SEMA3C: variants seen among roughly 807,000 people sequenced by gnomAD.
The protein encoded by SEMA3C is semaphorin 3C, also known as semaphorin-3C.
A neutral mutation model predicts 89.4 loss-of-function variants in SEMA3C; 47 were observed. The ratio of observed to expected loss-of-function variants is 0.53; its 90% CI spans 0.42 to 0.67. SEMA3C has a LOEUF of 0.67. SEMA3C is among the 30% of genes least tolerant of loss of function. The pLI is 0.00. For synonymous variants in SEMA3C, 310 were observed against 320.2 expected (o/e 0.97, Z 0.34); for missense variants, 839 against 929.1 (o/e 0.90, Z 1.26).
intron 2 of SEMA3C, among the ~76,000 whole-genome samples, chr7:80,906,447 C>A (rs1259822881): frequency 6.6e-6 from 1 of 152,140 alleles, no homozygotes; most frequent in Non-Finnish European, 1.5e-5. Flanking sequence ...TCCTGCTACA[C>A]ATTCCATCAG....
intron 4 of SEMA3C, among the ~76,000 whole-genome samples, chr7:80,820,429 A>G (rs1789719718): frequency 6.6e-6 from 1 of 152,140 alleles, no homozygotes; most frequent in South Asian, 2.1e-4. Context: ...AAATGTTGCT[A>G]AAATAGAAGT....
intron 11 of SEMA3C, among the ~76,000 whole-genome samples, chr7:80,789,971 C>A (rs1788897719): frequency 6.6e-6 from 1 of 152,050 alleles, no homozygotes; most frequent in South Asian, 2.1e-4. Flanking sequence ...ATCTGATCTG[C>A]CCTCCCAAAA....
At chr7:80,902,406 T>A (rs1791903545) in intron 2 of SEMA3C, among the ~76,000 whole-genome samples, 1 of 152,214 alleles carries the variant, frequency 6.6e-6, no homozygotes, top group Non-Finnish European at 1.5e-5. Context: ...GTTACACAGT[T>A]TTTTCCCTAC....
At chr7:80,857,041 A>AT (rs2115968318) in intron 2 of SEMA3C, among the ~76,000 whole-genome samples, 1 of 152,294 alleles carries the variant, frequency 6.6e-6, no homozygotes, top group South Asian at 2.1e-4. Flanking sequence ...ATGCGACTGC[A>AT]TAATGGGAGG....
chr7:80,855,171 A>G (rs868661637), intron 2 of SEMA3C, among the ~76,000 whole-genome samples: 30 of 152,358 alleles, frequency 2.0e-4, no homozygotes, highest in South Asian at 6.2e-4. Context: ...AAAATGGAAC[A>G]TATTTTAAAG....
chr7:80,839,647 C>A (rs1409592017), intron 2 of SEMA3C, among the ~76,000 whole-genome samples: 2 of 151,754 alleles, frequency 1.3e-5, no homozygotes, highest in Non-Finnish European at 2.9e-5. Context: ...AACAATAAGA[C>A]TTGTAGGGAT....
At chr7:80,824,316 C>A (rs1387832207) in intron 4 of SEMA3C, among the ~76,000 whole-genome samples, 1 of 152,088 alleles carries the variant, frequency 6.6e-6, no homozygotes, top group Non-Finnish European at 1.5e-5. Flanking sequence ...CATAATTAAT[C>A]TAAAAGCATT....
At chr7:80,878,105 C>T (rs568536503) in intron 2 of SEMA3C, among the ~76,000 whole-genome samples, 8 of 152,240 alleles carry the variant, frequency 5.3e-5, no homozygotes, top group Middle Eastern at 3.4e-3. Context: ...AGGCCGGGTG[C>T]GGTGGCTCAC....
chr7:80,824,152 C>G (rs574178275), intron 4 of SEMA3C, among the ~76,000 whole-genome samples: 1 of 152,202 alleles, frequency 6.6e-6, no homozygotes, highest in South Asian at 2.1e-4. Flanking sequence ...ATGCTTAACT[C>G]TGTTTTATTT....
chr7:80,822,128 T>C (rs1016102556), intron 4 of SEMA3C, among the ~76,000 whole-genome samples: 8 of 152,336 alleles, frequency 5.3e-5, no homozygotes, highest in African/African-American at 1.9e-4. Context: ...GCACTACATA[T>C]GGTACTAGCA....
chr7:80,818,458 C>T, intron 4 of SEMA3C, 40 bp from the exon 5 acceptor site: 1 of 1,592,234 alleles, frequency 6.3e-7, no homozygotes, highest in Non-Finnish European at 8.6e-7. Flanking sequence ...AACTCAATGA[C>T]TTTCATTGTT....
chr7:80,859,146 G>A (rs10954381), intron 2 of SEMA3C, among the ~76,000 whole-genome samples: 15,698 of 150,594 alleles, frequency 0.1, 1,130 homozygotes, highest in African/African-American at 0.2. Context: ...AAAAAAGAAC[G>A]GTGTGTGTGT....
chr7:80,815,554 C>CAAAAAAAAAAAAAAAAAAAAAAAAAAAAA lies in SEMA3C; in HGVS notation c.447+2744_447+2745insTTTTTTTTTTTTTTTTTTTTTTTTTTTTT, dbSNP rs761990267. Among the ~76,000 whole-genome samples, 72 of 58,850 alleles carry CAAAAAAAAAAAAAAAAAAAAAAAAAAAAA rather than the reference C, an allele frequency of 1.2e-3. 8 individuals are homozygous for CAAAAAAAAAAAAAAAAAAAAAAAAAAAAA. Among genetic ancestry groups the CAAAAAAAAAAAAAAAAAAAAAAAAAAAAA allele is most frequent in the Non-Finnish European group, 1.7e-3 (52 of 30,846 alleles). 38.6% of individuals were successfully genotyped at this position (58,850 alleles called of 152,430 possible). A position where few individuals can be genotyped will look rare whatever the true frequency, so the allele number is the denominator to read the frequency against. ...AAACCCAATCCTTTCTTTAAATGGG[C>CAAAAAAAAAAAAAAAAAAAAAAAAAAAAA]AAAAAAAAAAAAAAAAAAAGTAAAT... On this transcript the variant is annotated intron_variant, in intron 5 of 17. Coordinates refer to ENST00000265361, the MANE Select transcript of SEMA3C (RefSeq NM_006379.5).
intron 15 of SEMA3C, among the ~76,000 whole-genome samples, chr7:80,756,707 T>C: frequency 6.6e-6 from 1 of 152,272 alleles, no homozygotes; most frequent in African/African-American, 2.4e-5. Flanking sequence ...ACTCCAGTAT[T>C]AGAGATTTCT....
At chr7:80,860,580 T>C (rs187848009) in intron 2 of SEMA3C, among the ~76,000 whole-genome samples, 10 of 152,298 alleles carry the variant, frequency 6.6e-5, no homozygotes, top group African/African-American at 2.2e-4. Context: ...TTCCATTTGA[T>C]AGAGTTAAAG....
chr7:80,830,294 A>G (rs924039627), intron 2 of SEMA3C, among the ~76,000 whole-genome samples: 2 of 152,198 alleles, frequency 1.3e-5, no homozygotes, highest in African/African-American at 4.8e-5. Context: ...CAACAATAAT[A>G]GTAACTTCTG....
chr7:80,748,178 T>TA (rs1454228138), intron 17 of SEMA3C, among the ~76,000 whole-genome samples: 7 of 152,134 alleles, frequency 4.6e-5, no homozygotes, highest in Admixed American at 2.0e-4. Flanking sequence ...TACATATATA[T>TA]TTTTATCTTC....
intron 11 of SEMA3C, among the ~76,000 whole-genome samples, chr7:80,793,056 T>C (rs1296101617): frequency 6.6e-6 from 1 of 152,242 alleles, no homozygotes; most frequent in Non-Finnish European, 1.5e-5. Flanking sequence ...CTTTAGAACA[T>C]TAATTTTACT....
chr7:80,862,698 A>G (rs1374835597), intron 2 of SEMA3C, among the ~76,000 whole-genome samples: 1 of 152,184 alleles, frequency 6.6e-6, no homozygotes, highest in Non-Finnish European at 1.5e-5. Context: ...AAACTATACT[A>G]TAAGGCCATA....
Sources: gnomAD v4.1 joint callset for allele counts (sites outside exome capture counted in the v4.1 genomes callset) on GRCh38, gnomAD v4.1.1 for gene constraint, MANE v1.5 for transcripts, NCBI Gene and HGNC (gene_info 2026-07-23, HGNC 2026-07-21) for gene names.